Variants in LILRB2 observed in about 807,000 individuals in gnomAD.
The protein encoded by LILRB2 is leukocyte immunoglobulin-like receptor subfamily B member 2.
A neutral mutation model predicts 72.7 loss-of-function variants in LILRB2; 47 were observed. The ratio of observed to expected loss-of-function variants is 0.65; its 90% CI spans 0.51 to 0.82. The LOEUF is 0.82. Ranked by LOEUF, LILRB2 falls within the 40% of genes least tolerant of loss-of-function variation. LILRB2 has a pLI of 0.00. For missense variants in LILRB2, 767 were observed against 764.8 expected, an observed-to-expected ratio of 1.00 and a Z score of -0.03; for synonymous variants, 279 against 313.7, an observed-to-expected ratio of 0.89 and a Z score of 1.17.
chr19:54,277,241 A>G (rs1356732523), intron 9 of LILRB2: 50 of 1,535,412 alleles, frequency 3.3e-5, no homozygotes, highest in South Asian at 7.2e-5. Flanking sequence ...CTGAACCACG[A>G]CTCTGCTCCC....
chr19:54,276,415 C>G lies in LILRB2; in HGVS notation c.1522G>C (p.Gly508Arg). Residue 508 changes from glycine (G) to arginine (R), a missense_variant, in exon 11 of 14, where the codon GGG becomes CGG. This residue lies in a region of LILRB2 where 162 missense variants were observed against 176.7 expected (regional missense o/e 0.92). Transcript: ENST00000314446. The stretch of plus-strand genomic sequence containing the variant: ...AGGCCTCTGTCTGTGGGCTCTGGCC[C>G]CACAGCCCCTGCAGGATGTTGGAAA... ...ADFQHPAGAV[G>R]PEPTDRGLQW... 6.2e-7 allele frequency: 1 copy of G among 1,601,080 alleles called. No homozygotes were observed. Among genetic ancestry groups the G allele is most frequent in the Non-Finnish European group, 8.5e-7 (1 of 1,169,850 alleles).
At position 54,279,909 on chromosome 19, in the gene LILRB2, C is replaced by T. The variant is rs752743001; in HGVS notation, c.237G>A (p.Lys79=). 1.2e-6 allele frequency: 2 copies of T among 1,614,150 alleles called. No individual in the cohort carries two copies. The highest frequency in any genetic ancestry group is 2.2e-5 in the South Asian group (2 of 91,090). The change falls in exon 4 of 14, where the codon AAG becomes AAA. Residue 79 remains lysine (K), a synonymous_variant. Transcript: ENST00000314446. ...WITRIRPELV[K]NGQFHIPSIT... ...TGGATGGGATGTGGAACTGGCCGTTCTTCACAAGCTCTGGTCGTATCCGTG... is the reference window on the plus strand; with the variant it reads ...TGGATGGGATGTGGAACTGGCCGTTTTTCACAAGCTCTGGTCGTATCCGTG...
intron 2 of LILRB2, 29 bp downstream of exon 2, chr19:54,280,434 A>AT (rs1267009245): frequency 1.1e-5 from 17 of 1,613,838 alleles, no homozygotes; most frequent in Non-Finnish European, 1.4e-5. Context: ...CTCCTAGGTT[A>AT]GAAGCTCCCC....
intron 10 of LILRB2, 45 bp from the exon 11 acceptor site, chr19:54,276,501 C>T: frequency 7.4e-7 from 1 of 1,354,408 alleles, no homozygotes; most frequent in Non-Finnish European, 1.0e-6. Context: ...ACATTGGAGC[C>T]CCCTGCCCTG....
chr19:54,273,952 T>C lies in LILRB2; in HGVS notation c.*731A>G, dbSNP rs2080095187. On this transcript the variant is annotated 3_prime_UTR_variant, in exon 14 of 14. Coordinates refer to ENST00000314446, the MANE Select transcript of LILRB2 (RefSeq NM_001080978.4). ...GATTCTCTGATTACTCTTACGTTCA[T>C]TATGTAAACTCCAGTTTTGAATATT... The C allele has an allele frequency of 6.6e-6, 1 of 152,452 alleles. No homozygotes were observed. Among genetic ancestry groups the C allele is most frequent in the Non-Finnish European group, 1.5e-5 (1 of 68,260 alleles). 9.4% of individuals were successfully genotyped at this position (152,452 alleles called of 1,614,324 possible).
intron 13 of LILRB2, chr19:54,275,372 A>T: frequency 3.9e-6 from 2 of 512,946 alleles, no homozygotes; most frequent in Non-Finnish European, 7.4e-6. Flanking sequence ...CGTGTGCCCC[A>T]CTCTGTCCAG....
chr19:54,279,693 A>C (rs1360565847), intron 4 of LILRB2, 46 bp from the exon 5 acceptor site: 1 of 1,595,956 alleles, frequency 6.3e-7, no homozygotes, highest in African/African-American at 1.3e-5. Flanking sequence ...CCCACCTCCC[A>C]CATCATCCCC....
chr19:54,276,369 G>T lies in LILRB2; in HGVS notation c.1556+12C>A. The T allele has an allele frequency of 6.2e-7, 1 of 1,607,982 alleles. No individual in the cohort carries two copies. The highest frequency in any genetic ancestry group is 2.2e-5 in the East Asian group (1 of 44,708). On this transcript the variant is annotated intron_variant, in intron 11 of 13. Coordinates refer to ENST00000314446, the MANE Select transcript of LILRB2 (RefSeq NM_001080978.4). ...GAGCAGGTGGGAGTCTGGGGTCTTC[G>T]GGCAGAATTACCTCCACTGCAGGCC...
intron 6 of LILRB2, 52 bp downstream of exon 6, chr19:54,278,760 G>T (rs1433692809): frequency 1.2e-6 from 2 of 1,601,776 alleles, no homozygotes; most frequent in Non-Finnish European, 1.7e-6. Flanking sequence ...GATTCCCCCG[G>T]CAGGGCCTGT....
Position 54,279,508 on chromosome 19 carries a change from T to C in LILRB2, c.495A>G (p.Gln165=). ...GGGCATGGGGCTGGGAGTTCAGGCA[T>C]TGTGGGTGTTCATCTTCTCCTTCCT... ...LCKEGEDEHP[Q]CLNSQPHARG... The change falls in exon 5 of 14, where the codon CAA becomes CAG. Residue 165 remains glutamine, a synonymous_variant. Coordinates refer to ENST00000314446, the MANE Select transcript of LILRB2 (RefSeq NM_001080978.4). The C allele has an allele frequency of 6.2e-7, 1 of 1,613,706 alleles. No individual in the cohort carries two copies. Among genetic ancestry groups the C allele is most frequent in the Non-Finnish European group, 8.5e-7 (1 of 1,179,906 alleles).
At position 54,280,977 on chromosome 19, in the gene LILRB2, C is replaced by T. The variant is rs748258575; in HGVS notation, c.-65G>A. On this transcript the variant is annotated 5_prime_UTR_variant, in exon 1 of 14. Transcript: ENST00000314446. Reference sequence around the variant, plus strand: ...GGTCCTTACCATGGCAGTCGTCCCTCCAGCCCTGGAGATGCTTCAGGGAAG... The same window carrying T: ...GGTCCTTACCATGGCAGTCGTCCCTTCAGCCCTGGAGATGCTTCAGGGAAG... 1.4e-4 allele frequency: 184 copies of T among 1,311,928 alleles called. No homozygotes were observed. Among genetic ancestry groups the T allele is most frequent in the Non-Finnish European group, 1.8e-4 (177 of 982,870 alleles). 81.3% of individuals were successfully genotyped at this position (1,311,928 alleles called of 1,614,324 possible).
chr19:54,277,800 T>A, intron 8 of LILRB2, 89 bp downstream of exon 8: 1 of 1,340,342 alleles, frequency 7.5e-7, no homozygotes, highest in Non-Finnish European at 1.0e-6. Flanking sequence ...CTTGATTGAG[T>A]CCCTGAAGGG....
At chr19:54,277,075 A>G (rs2080267499) in intron 9 of LILRB2, 146 bp from the exon 10 acceptor site, 8 of 1,515,502 alleles carry the variant, frequency 5.3e-6, no homozygotes, top group Middle Eastern at 3.7e-4. Context: ...CCCACTCTAC[A>G]GATGAAAAAC....
In LILRB2 at chr19:54,278,358, G is replaced by A. The variant is rs2080350756; in HGVS notation, c.1160C>T (p.Thr387Ile). Reference sequence around the variant, plus strand: ...CCTGTAGGTCCCCGCGTGGGCTGAGGTCACAGGACTCATGGGGAATTCAGC... The same window carrying A: ...CCTGTAGGTCCCCGCGTGGGCTGAGATCACAGGACTCATGGGGAATTCAGC... ...YQAEFPMSPV[T>I]SAHAGTYRCY... is the part of the protein sequence containing the mutation. The change falls in exon 7 of 14, where the codon ACC becomes ATC. Residue 387 changes from threonine (T) to isoleucine (I), a missense_variant. Coordinates refer to ENST00000314446, the MANE Select transcript of LILRB2 (RefSeq NM_001080978.4). The A allele has an allele frequency of 6.2e-7, 1 of 1,614,216 alleles. No individual in the cohort carries two copies. Among genetic ancestry groups the A allele is most frequent in the Non-Finnish European group, 8.5e-7 (1 of 1,180,016 alleles).
At chr19:54,277,021 T>A in intron 9 of LILRB2, 92 bp from the exon 10 acceptor site, 1 of 1,523,440 alleles carries the variant, frequency 6.6e-7, no homozygotes, top group Non-Finnish European at 8.9e-7. Flanking sequence ...GTTCACCACC[T>A]CCAACCCCCA....
In LILRB2 at chr19:54,278,324, G is replaced by A. The variant is rs147734138; in HGVS notation, c.1194C>T (p.Gly398=). 1.9e-6 allele frequency: 3 copies of A among 1,614,222 alleles called. No homozygotes were observed. Among genetic ancestry groups the A allele is most frequent in the East Asian group, 4.5e-5 (2 of 44,880 alleles). ...GCAGGTAGGGGTCGGAGTTGAGTGA[G>A]CCGTAGCACCTGTAGGTCCCCGCGT... ...SAHAGTYRCY[G]SLNSDPYLLS... Residue 398 remains glycine, a synonymous_variant, in exon 7 of 14, where the codon GGC becomes GGT. Coordinates refer to ENST00000314446, the MANE Select transcript of LILRB2 (RefSeq NM_001080978.4).
At chr19:54,276,129 G>A in intron 12 of LILRB2, 126 bp from the exon 13 acceptor site, 1 of 1,552,680 alleles carries the variant, frequency 6.4e-7, no homozygotes. Flanking sequence ...ATGTCCCTGA[G>A]GTCCCACAGT....
intron 8 of LILRB2, 65 bp downstream of exon 8, chr19:54,277,824 T>C: frequency 1.4e-6 from 2 of 1,389,236 alleles, no homozygotes; most frequent in Non-Finnish European, 2.0e-6. Context: ...GGGATCCTCC[T>C]GGACACTCAA....
chr19:54,277,480 A>G, intron 9 of LILRB2, 70 bp downstream of exon 9: 2 of 1,544,556 alleles, frequency 1.3e-6, no homozygotes, highest in Non-Finnish European at 1.8e-6. Flanking sequence ...GAGGAGCCTG[A>G]ACCTAGGACA....
Sources: gnomAD v4.1 joint callset for allele counts on GRCh38, gnomAD v4.1.1 for gene constraint, gnomAD v4.1.1 regional missense constraint, MANE v1.5 for transcripts, NCBI Gene and HGNC (gene_info 2026-07-23, HGNC 2026-07-21) for gene names.